The following GLCCI1 variants were observed in gnomAD, a reference collection of about 807,000 sequenced individuals.
GLCCI1 encodes glucocorticoid-induced transcript 1 protein.
A neutral mutation model predicts 52.2 loss-of-function variants in GLCCI1; 24 were observed. The ratio of observed to expected loss-of-function variants is 0.46; its 90% CI spans 0.33 to 0.65. The LOEUF is 0.65. Ranked by LOEUF, GLCCI1 falls within the 30% of genes least tolerant of loss-of-function variation. The pLI is 0.02. For synonymous variants in GLCCI1, 310 were observed against 276.5 expected, an observed-to-expected ratio of 1.12 and a Z score of -1.20; for missense variants, 704 against 701.5, an observed-to-expected ratio of 1.00 and a Z score of -0.04.
In GLCCI1 at chr7:8,088,734, G is replaced by A. The variant is rs1211614354; in HGVS notation, c.*2196G>A. ...TCTCATGTACGATATTTATAGTGAT[G>A]TGCTTTTATTTTCTCATGAGATACT... On this transcript the variant is annotated 3_prime_UTR_variant, in exon 8 of 8. Coordinates refer to ENST00000223145, the MANE Select transcript of GLCCI1 (RefSeq NM_138426.4). The A allele has an allele frequency of 1.3e-5, 2 of 152,544 alleles. No homozygotes were observed. The highest frequency in any genetic ancestry group is 2.9e-5 in the Non-Finnish European group (2 of 68,006). The allele number at this position is 152,544 out of a possible 1,614,324, so 9.4% of individuals were successfully genotyped here.
At chr7:8,008,453 C>T (rs1008573475) in intron 2 of GLCCI1, among the ~76,000 whole-genome samples, 3 of 151,930 alleles carry the variant, frequency 2.0e-5, no homozygotes, top group African/African-American at 7.3e-5. Context: ...CCTGCCATCA[C>T]GTCCAGCTAA....
intron 3 of GLCCI1, among the ~76,000 whole-genome samples, chr7:8,033,751 A>G (rs897395549): frequency 2.6e-5 from 4 of 152,196 alleles, no homozygotes; most frequent in Non-Finnish European, 5.9e-5. Context: ...AATAATGGAA[A>G]TTAAATAAAT....
chr7:8,036,243 G>T (rs1016465774), intron 3 of GLCCI1, among the ~76,000 whole-genome samples: 6 of 152,176 alleles, frequency 3.9e-5, no homozygotes, highest in African/African-American at 1.4e-4. Flanking sequence ...CACATGCCCA[G>T]TACATCACTT....
intron 3 of GLCCI1, among the ~76,000 whole-genome samples, chr7:8,046,475 C>T (rs576951794): frequency 6.4e-4 from 98 of 152,282 alleles, no homozygotes; most frequent in Middle Eastern, 3.4e-3. Flanking sequence ...TGATAAGAAA[C>T]ATTTACAGTC....
At chr7:7,981,056 C>A in intron 1 of GLCCI1, 1 of 477,028 alleles carries the variant, frequency 2.1e-6, no homozygotes. Flanking sequence ...AAAACTCAGG[C>A]TTTACTTTTA....
intron 2 of GLCCI1, among the ~76,000 whole-genome samples, chr7:8,022,176 T>A (rs1247759850): frequency 6.6e-6 from 1 of 152,200 alleles, no homozygotes; most frequent in African/African-American, 2.4e-5. Flanking sequence ...CTATTCTCTT[T>A]AAAAACACCA....
At chr7:8,005,402 G>A (rs1781129357) in intron 2 of GLCCI1, among the ~76,000 whole-genome samples, 1 of 152,126 alleles carries the variant, frequency 6.6e-6, no homozygotes, top group African/African-American at 2.4e-5. Context: ...AGCAAGAGGA[G>A]GAGGGAGTTA....
chr7:8,013,091 T>G (rs1781302587), intron 2 of GLCCI1, among the ~76,000 whole-genome samples: 6 of 152,176 alleles, frequency 3.9e-5, no homozygotes. Context: ...TATGCTAGGG[T>G]TTATTTCTGG....
chr7:8,083,700 G>A (rs1284730783), intron 6 of GLCCI1, among the ~76,000 whole-genome samples: 7 of 151,520 alleles, frequency 4.6e-5, no homozygotes, highest in Admixed American at 3.9e-4. Context: ...TTTCCCAATA[G>A]TATAACGTTA....
At chr7:8,023,585 A>ATTTTTTTTTT (rs1268659559) in intron 3 of GLCCI1, among the ~76,000 whole-genome samples, 2 of 39,780 alleles carry the variant, frequency 5.0e-5, no homozygotes, top group Non-Finnish European at 1.0e-4. Context: ...AATCTCTGTT[A>ATTTTTTTTTT]TTCTTTTTTT....
chr7:8,009,428 T>TAATC (rs1011573343), intron 2 of GLCCI1, among the ~76,000 whole-genome samples: 52 of 152,302 alleles, frequency 3.4e-4, no homozygotes, highest in African/African-American at 1.2e-3. Context: ...TATACAGCAA[T>TAATC]AATCAGAGGT....
chr7:8,019,569 A>T (rs557132038), intron 2 of GLCCI1, among the ~76,000 whole-genome samples: 41 of 151,982 alleles, frequency 2.7e-4, no homozygotes, highest in Non-Finnish European at 5.3e-4. Flanking sequence ...TCACTTCATG[A>T]GGGGGATATG....
chr7:8,037,529 A>G (rs1781894280), intron 3 of GLCCI1, among the ~76,000 whole-genome samples: 1 of 152,226 alleles, frequency 6.6e-6, no homozygotes, highest in Non-Finnish European at 1.5e-5. Flanking sequence ...TATGATAGGA[A>G]CAAAACCTCA....
At chr7:8,058,595 G>A (rs780316328) in intron 4 of GLCCI1, among the ~76,000 whole-genome samples, 1 of 152,208 alleles carries the variant, frequency 6.6e-6, no homozygotes, top group African/African-American at 2.4e-5. Context: ...TTGGATTACT[G>A]TGTGGGGGAA....
In GLCCI1 at chr7:8,086,285, A is replaced by G. The variant is rs1783104681; in HGVS notation, c.1391A>G (p.Lys464Arg). The change falls in exon 8 of 8, where the codon AAA becomes AGA. Residue 464 changes from lysine to arginine, a missense_variant. Lys to Arg is a conservative substitution (Grantham distance 26). Around this residue, in one of 3 missense-constraint regions of GLCCI1, gnomAD observed 149 missense variants for 152.9 expected, o/e 0.97. Coordinates refer to ENST00000223145, the MANE Select transcript of GLCCI1 (RefSeq NM_138426.4). The surrounding 1 kb of genome is among the most constrained non-coding windows in gnomAD (Gnocchi z 4.4). ...ACCGGATCAGCTTTCTGTCCTGTAA[A>G]ACTTCTAGGCCCCCTCTTACCTGCT... is the stretch of plus-strand genomic sequence containing the variant. ...IPTGSAFCPVKLLGPLLPASD... is the reference protein window; with the variant it reads ...IPTGSAFCPVRLLGPLLPASD... 1 of 1,613,950 alleles carries G rather than the reference A, an allele frequency of 6.2e-7. No individual in the cohort carries two copies. The highest frequency in any genetic ancestry group is 8.5e-7 in the Non-Finnish European group (1 of 1,180,008).
At chr7:8,047,461 C>T (rs4720761) in intron 3 of GLCCI1, among the ~76,000 whole-genome samples, 62,896 of 152,006 alleles carry the variant, frequency 0.41, 13,273 homozygotes, top group Middle Eastern at 0.52. Context: ...ATACTTACCA[C>T]TTTTTACAAC....
chr7:8,086,509 A>ATCTC lies in GLCCI1; in HGVS notation c.1617_1620dup (p.Ala541LeufsTer33). On this transcript the variant is annotated frameshift_variant, in exon 8 of 8. Transcript: ENST00000223145. LOFTEE classifies it high-confidence loss of function. This position sits in a 1 kb window ranked among gnomAD's most constrained non-coding sequence, Gnocchi z 4.4. ...GCAGGAACTGCAGGGTGAGGACCACATCTCTGCTCAGAACTATGTGATCAT... is the reference window on the plus strand; with the variant it reads ...GCAGGAACTGCAGGGTGAGGACCACATCTCTCTCTGCTCAGAACTATGTGATCAT... The ATCTC allele has an allele frequency of 6.2e-7, 1 of 1,612,448 alleles. No homozygotes were observed. The highest frequency in any genetic ancestry group is 8.5e-7 in the Non-Finnish European group (1 of 1,179,386).
At chr7:8,060,914 G>A (rs1165526255) in intron 5 of GLCCI1, among the ~76,000 whole-genome samples, 2 of 152,206 alleles carry the variant, frequency 1.3e-5, no homozygotes, top group East Asian at 3.9e-4. Flanking sequence ...CAAAGTGTCT[G>A]CATTGTTGTA....
intron 3 of GLCCI1, among the ~76,000 whole-genome samples, chr7:8,045,699 G>A (rs553874979): frequency 6.6e-6 from 1 of 152,250 alleles, no homozygotes; most frequent in Non-Finnish European, 1.5e-5. Flanking sequence ...AATATATGTA[G>A]ATGTGGCACC....
Sources: allele counts gnomAD v4.1 joint callset (sites outside exome capture counted in the v4.1 genomes callset), GRCh38; gene constraint gnomAD v4.1.1; regional missense constraint gnomAD v4.1.1; non-coding constraint Gnocchi (gnomAD v3.1); transcripts MANE v1.5; gene names NCBI Gene and HGNC (gene_info 2026-07-23, HGNC 2026-07-21).